Variants in MSI2 observed in about 807,000 individuals in gnomAD.
MSI2 encodes the protein musashi RNA binding protein 2, also known as RNA-binding protein Musashi homolog 2.
In MSI2, 17 loss-of-function variants were observed where a neutral mutation model predicts 45.6. The observed-to-expected ratio is 0.37, with a 90% CI of 0.26 to 0.56. The LOEUF (loss-of-function observed/expected upper bound fraction) is 0.56. Among genes scored for constraint, MSI2 ranks in the 20% least tolerant of loss-of-function variants. The pLI is 0.77. For synonymous variants in MSI2, 156 were observed against 158.2 expected, an observed-to-expected ratio of 0.99 and a Z score of 0.11; for missense variants, 293 against 444.2, an observed-to-expected ratio of 0.66 and a Z score of 3.06.
chr17:57,646,892 A>T (rs1388694133), intron 10 of MSI2, among the ~76,000 whole-genome samples: 1 of 152,158 alleles, frequency 6.6e-6, no homozygotes, highest in African/African-American at 2.4e-5. Context: ...CCTAAGTTCC[A>T]GGTGGTCAAC....
chr17:57,368,779 C>G (rs1446438759), intron 5 of MSI2, among the ~76,000 whole-genome samples: 1 of 152,120 alleles, frequency 6.6e-6, no homozygotes, highest in African/African-American at 2.4e-5. Context: ...GGGTAGATAA[C>G]AGGTGCTTGT....
chr17:57,439,878 A>G, intron 6 of MSI2, among the ~76,000 whole-genome samples: 1 of 152,128 alleles, frequency 6.6e-6, no homozygotes, highest in East Asian at 1.9e-4. Context: ...CAGAGGGGAA[A>G]ATTGAAACAA....
intron 6 of MSI2, among the ~76,000 whole-genome samples, chr17:57,526,357 GT>G (rs1222590982): frequency 0.4 from 12,071 of 29,896 alleles, 1,260 homozygotes; most frequent in African/African-American, 0.54. Flanking sequence ...ATATACCTGG[GT>G]GTGTGTGTGT....
At chr17:57,571,428 C>A (rs1351478261) in intron 7 of MSI2, among the ~76,000 whole-genome samples, 1 of 152,130 alleles carries the variant, frequency 6.6e-6, no homozygotes, top group Non-Finnish European at 1.5e-5. Context: ...TGTGGCAGCC[C>A]CCACCAGGCC....
chr17:57,316,889 T>A (rs1334703110), intron 5 of MSI2, among the ~76,000 whole-genome samples: 2 of 152,048 alleles, frequency 1.3e-5, no homozygotes, highest in African/African-American at 4.8e-5. Flanking sequence ...CTAGAAATTA[T>A]AATTTAATAA....
intron 7 of MSI2, among the ~76,000 whole-genome samples, chr17:57,580,615 T>G (rs1449909077): frequency 6.6e-6 from 1 of 152,168 alleles, no homozygotes; most frequent in Non-Finnish European, 1.5e-5. Context: ...TAAAGCAATT[T>G]GGATGGCTGG....
chr17:57,654,561 G>C (rs1911446042), intron 11 of MSI2, among the ~76,000 whole-genome samples: 1 of 152,214 alleles, frequency 6.6e-6, no homozygotes, highest in South Asian at 2.1e-4. Flanking sequence ...GTGTGCATCA[G>C]TCTAGGCCAC....
chr17:57,338,355 G>A (rs1482189468), intron 5 of MSI2, among the ~76,000 whole-genome samples: 2 of 152,144 alleles, frequency 1.3e-5, no homozygotes, highest in Non-Finnish European at 2.9e-5. Flanking sequence ...CCCCCGAAGT[G>A]CTGGGATTAC....
At chr17:57,323,483 A>G (rs746442563) in intron 5 of MSI2, among the ~76,000 whole-genome samples, 29 of 152,226 alleles carry the variant, frequency 1.9e-4, no homozygotes, top group Non-Finnish European at 3.2e-4. Context: ...CAGGTTCCCC[A>G]TTCCAGTGGA....
intron 5 of MSI2, among the ~76,000 whole-genome samples, 166 bp from the exon 6 acceptor site, chr17:57,401,213 C>T (rs1430779118): frequency 6.6e-6 from 1 of 152,136 alleles, no homozygotes; most frequent in Admixed American, 6.5e-5. Context: ...TGCAGAGTGA[C>T]TGTCTCTAGC....
At chr17:57,635,983 A>G (rs555764382) in intron 10 of MSI2, among the ~76,000 whole-genome samples, 50 of 152,308 alleles carry the variant, frequency 3.3e-4, no homozygotes, top group African/African-American at 1.1e-3. Flanking sequence ...CCATCACTCT[A>G]AAAGATACGT....
chr17:57,306,674 C>T (rs372283414), intron 5 of MSI2, among the ~76,000 whole-genome samples: 20 of 152,236 alleles, frequency 1.3e-4, no homozygotes, highest in Admixed American at 1.3e-3. Flanking sequence ...TACATGTCAT[C>T]GCTGTTCACA....
Position 57,471,073 on chromosome 17 carries a change from G to GAA in MSI2, c.406-58602_406-58601insAA, listed in dbSNP as rs2085426091. Among the ~76,000 whole-genome samples, 3 of 152,224 alleles carry GAA rather than the reference G, an allele frequency of 2.0e-5. No homozygotes were observed. In the East Asian group the frequency reaches 5.8e-4, roughly 29 times the overall value. ...GACCTTGCTTAGAGCAGAGGTTGGG[G>GAA]ACCCCATGTGGCATGTAACCCTGGG... On this transcript the variant is annotated intron_variant, in intron 6 of 13. Coordinates refer to ENST00000284073, the MANE Select transcript of MSI2 (RefSeq NM_138962.4).
At chr17:57,390,075 CAAAA>C (rs55932533) in intron 5 of MSI2, among the ~76,000 whole-genome samples, 3 of 139,318 alleles carry the variant, frequency 2.2e-5, no homozygotes, top group African/African-American at 7.9e-5. Context: ...CTGTCTTTAC[CAAAA>C]AAAAAAAAAA....
At chr17:57,361,224 C>T (rs1916790997) in intron 5 of MSI2, among the ~76,000 whole-genome samples, 1 of 152,186 alleles carries the variant, frequency 6.6e-6, no homozygotes, top group African/African-American at 2.4e-5. Flanking sequence ...CTACTGATAA[C>T]ATCAACAGTT....
At chr17:57,305,614 G>A (rs1467142758) in intron 5 of MSI2, among the ~76,000 whole-genome samples, 1 of 152,170 alleles carries the variant, frequency 6.6e-6, no homozygotes, top group Non-Finnish European at 1.5e-5. Flanking sequence ...TTCAGGCAGG[G>A]TGAAGGAAGA....
intron 11 of MSI2, among the ~76,000 whole-genome samples, chr17:57,674,089 C>T (rs1008672015): frequency 6.6e-6 from 1 of 151,676 alleles, no homozygotes; most frequent in Non-Finnish European, 1.5e-5. Flanking sequence ...CATTCCCCCC[C>T]ATCCCTCCCT....
intron 5 of MSI2, among the ~76,000 whole-genome samples, chr17:57,312,476 G>A (rs1179457190): frequency 6.6e-6 from 1 of 152,168 alleles, no homozygotes; most frequent in Non-Finnish European, 1.5e-5. Flanking sequence ...CTGGGGAGGT[G>A]CCTGATGAGA....
intron 6 of MSI2, among the ~76,000 whole-genome samples, chr17:57,419,529 ATTTTT>A (rs36114353): frequency 1.4e-5 from 2 of 145,636 alleles, no homozygotes; most frequent in Admixed American, 6.8e-5. Context: ...TGCCTGGCTA[ATTTTT>A]TTTTTTTTTT....
Sources: gnomAD v4.1 joint callset for allele counts (sites outside exome capture counted in the v4.1 genomes callset) on GRCh38, gnomAD v4.1.1 for gene constraint, MANE v1.5 for transcripts, NCBI Gene and HGNC (gene_info 2026-07-23, HGNC 2026-07-21) for gene names.